Variants in PXMP2 observed in about 807,000 individuals in gnomAD.
PXMP2 encodes peroxisomal membrane protein 2.
In PXMP2, 13 loss-of-function variants were observed where a neutral mutation model predicts 20.2. That is an observed-to-expected ratio of 0.64 (90% CI 0.42 to 1.02). PXMP2 has a LOEUF of 1.02. Among genes scored for constraint, PXMP2 ranks in the 50% least tolerant of loss-of-function variants. PXMP2 has a pLI of 0.00. For synonymous variants in PXMP2, 113 were observed against 111.2 expected, an observed-to-expected ratio of 1.02 and a Z score of -0.10; for missense variants, 284 against 251.8, an observed-to-expected ratio of 1.13 and a Z score of -0.87.
chr12:132,701,193 G>C, intron 3 of PXMP2, 57 bp from the exon 4 acceptor site: 2 of 1,606,710 alleles, frequency 1.2e-6, no homozygotes, highest in South Asian at 1.1e-5. Flanking sequence ...TGGGTGCCCG[G>C]AATTCAGTTC....
Position 132,701,381 on chromosome 12 carries a change from G to T in PXMP2, c.519+12G>T. 6.2e-7 allele frequency: 1 copy of T among 1,611,678 alleles called. No homozygotes were observed. Among genetic ancestry groups the T allele is most frequent in the Non-Finnish European group, 8.5e-7 (1 of 1,179,624 alleles). On this transcript the variant is annotated intron_variant, in intron 4 of 4. Transcript: ENST00000317479. ...ACGTCCCTCTGAAGGTGAGGGCCACGGGGCTCAGCCTCTGCTAACATTACT... is the reference window on the plus strand; with the variant it reads ...ACGTCCCTCTGAAGGTGAGGGCCACTGGGCTCAGCCTCTGCTAACATTACT...
intron 2 of PXMP2, among the ~76,000 whole-genome samples, chr12:132,691,995 A>C (rs1565990209): frequency 6.6e-6 from 1 of 151,472 alleles, no homozygotes; most frequent in Non-Finnish European, 1.5e-5. Context: ...CTTGCCAGTT[A>C]GTTAGTGAGC....
chr12:132,704,278 AGC>A (rs2043458354), intron 4 of PXMP2, among the ~76,000 whole-genome samples: 1 of 152,260 alleles, frequency 6.6e-6, no homozygotes, highest in Non-Finnish European at 1.5e-5. Flanking sequence ...AGGAGGGTGC[AGC>A]CACCTGCATG....
chr12:132,690,257 C>T lies in PXMP2; in HGVS notation c.123-6C>T. 1 of 1,611,826 alleles carries T rather than the reference C, an allele frequency of 6.2e-7. No individual in the cohort carries two copies. The highest frequency in any genetic ancestry group is 8.5e-7 in the Non-Finnish European group (1 of 1,177,938). On this transcript the variant is annotated splice_polypyrimidine_tract_variant and splice_region_variant and intron_variant, in intron 1 of 4. Coordinates refer to ENST00000317479, the MANE Select transcript of PXMP2 (RefSeq NM_018663.3). Reference sequence around the variant, plus strand: ...TGCTGTTTTCTGATGACCTCCCTCTCCACAGTGGCATTTTGTCAGCACTTG... The same window carrying T: ...TGCTGTTTTCTGATGACCTCCCTCTTCACAGTGGCATTTTGTCAGCACTTG...
Position 132,701,234 on chromosome 12 carries a change from C to A in PXMP2, c.400-16C>A. On this transcript the variant is annotated splice_polypyrimidine_tract_variant and intron_variant, in intron 3 of 4. Coordinates refer to ENST00000317479, the MANE Select transcript of PXMP2 (RefSeq NM_018663.3). ...GGCAGTGAGACTGTTCACCACCCGC[C>A]TTCCCTCCTTTGCAGGGGAAAGACG... The A allele has an allele frequency of 6.2e-7, 1 of 1,613,738 alleles. No homozygotes were observed. The highest frequency in any genetic ancestry group is 8.5e-7 in the Non-Finnish European group (1 of 1,179,980).
intron 1 of PXMP2, among the ~76,000 whole-genome samples, chr12:132,689,685 T>A (rs1200143615): frequency 6.6e-6 from 1 of 152,168 alleles, no homozygotes; most frequent in Admixed American, 6.5e-5. Context: ...TTCCACCTTT[T>A]TATGGAAATT....
At chr12:132,699,334 G>A (rs1454491135) in intron 3 of PXMP2, among the ~76,000 whole-genome samples, 1 of 152,066 alleles carries the variant, frequency 6.6e-6, no homozygotes, top group African/African-American at 2.4e-5. Flanking sequence ...GAGGCTTGAT[G>A]TCAGGAGGTT....
chr12:132,704,339 G>A (rs907999274), intron 4 of PXMP2, among the ~76,000 whole-genome samples: 4 of 152,310 alleles, frequency 2.6e-5, no homozygotes, highest in South Asian at 2.1e-4. Context: ...TAAGGTGTGC[G>A]GTGAAGGGGG....
rs186056781 is a variant in PXMP2, at chr12:132,700,950, T to C, written c.400-300T>C. Among the ~76,000 whole-genome samples the C allele has an allele frequency of 7.2e-5, 11 of 152,200 alleles. No individual in the cohort carries two copies. In the East Asian group the frequency reaches 2.1e-3, roughly 29 times the overall value. On this transcript the variant is annotated intron_variant, in intron 3 of 4. Transcript: ENST00000317479. ...TGACAGCGTAGCTCTGAGTAGCAGT[T>C]CTGGTGCCCAGGGCCAGCCTTGGGA... is the stretch of plus-strand genomic sequence containing the variant.
At position 132,687,867 on chromosome 12, in the gene PXMP2, C is replaced by A. The variant is rs1341712350; in HGVS notation, c.122+75C>A. The A allele has an allele frequency of 5.5e-5, 60 of 1,090,388 alleles. 1 individual carries two copies. The South Asian group carries it at 1.9e-3, about 35-fold the overall frequency. The allele number at this position is 1,090,388 out of a possible 1,614,324, so 67.5% of individuals were successfully genotyped here. A position where few individuals can be genotyped will look rare whatever the true frequency, so the allele number is the denominator to read the frequency against. Reference sequence around the variant, plus strand: ...CAGCGGCGCGGGGCCTGGACGGGAGCGCCGGGCCGGGACCAGGCTGGGGGC... The same window carrying A: ...CAGCGGCGCGGGGCCTGGACGGGAGAGCCGGGCCGGGACCAGGCTGGGGGC... On this transcript the variant is annotated intron_variant, in intron 1 of 4. Transcript: ENST00000317479.
chr12:132,693,734 CAGTT>C (rs1395671089), intron 2 of PXMP2, among the ~76,000 whole-genome samples: 8 of 138,534 alleles, frequency 5.8e-5, no homozygotes, highest in African/African-American at 8.2e-5. Context: ...GCTCCCTTGC[CAGTT>C]AGTTAGTGAG....
chr12:132,692,224 TAGCCAGTTAGTTAGTGAGCTCCCTG>T (rs1565990338), intron 2 of PXMP2, among the ~76,000 whole-genome samples: 7 of 119,588 alleles, frequency 5.9e-5, no homozygotes, highest in Non-Finnish European at 1.3e-4. Context: ...TGAGCGCCCT[TAGCCAGTTAGTTAGTGAGCTCCCTG>T]AGCCAGTTAG....
chr12:132,704,834 A>C lies in PXMP2; in HGVS notation c.*147A>C. ...CCAAAAATGATGGATAGAGAAACAG[A>C]AATCTCTGAATGTCAGAACCCTGTC... On this transcript the variant is annotated 3_prime_UTR_variant, in exon 5 of 5. Transcript: ENST00000317479. 1.3e-6 allele frequency: 1 copy of C among 789,562 alleles called. No individual in the cohort carries two copies. Among genetic ancestry groups the C allele is most frequent in the Non-Finnish European group, 2.2e-6 (1 of 464,830 alleles). The allele number at this position is 789,562 out of a possible 1,614,324, so 48.9% of individuals were successfully genotyped here.
intron 4 of PXMP2, among the ~76,000 whole-genome samples, chr12:132,703,031 A>C (rs1306306575): frequency 6.6e-6 from 1 of 152,248 alleles, no homozygotes; most frequent in Non-Finnish European, 1.5e-5. Flanking sequence ...CTTTGGCTTT[A>C]ACAGTGGCCC....
intron 1 of PXMP2, 139 bp downstream of exon 1, chr12:132,687,931 C>G (rs982539291): frequency 3.1e-5 from 27 of 867,572 alleles, no homozygotes; most frequent in Admixed American, 1.6e-4. Flanking sequence ...CGCCCTCCGA[C>G]CCGGCGCTGA....
At chr12:132,703,086 T>C (rs1453648503) in intron 4 of PXMP2, among the ~76,000 whole-genome samples, 1 of 152,170 alleles carries the variant, frequency 6.6e-6, no homozygotes, top group Admixed American at 6.5e-5. Context: ...CCAGATTGCC[T>C]TGAAGAGTGG....
intron 2 of PXMP2, 63 bp from the exon 3 acceptor site, chr12:132,695,821 C>G: frequency 1.3e-6 from 2 of 1,515,568 alleles, no homozygotes; most frequent in Non-Finnish European, 1.8e-6. Context: ...GGGGGTGAAG[C>G]TAGACCAGAG....
At chr12:132,699,818 G>A (rs895463189) in intron 3 of PXMP2, among the ~76,000 whole-genome samples, 7 of 152,092 alleles carry the variant, frequency 4.6e-5, no homozygotes, top group African/African-American at 7.2e-5. Context: ...TGTGGATAGC[G>A]CTGTGATAAA....
chr12:132,691,282 T>C (rs968358213), intron 2 of PXMP2, among the ~76,000 whole-genome samples: 2 of 151,710 alleles, frequency 1.3e-5, no homozygotes, highest in Admixed American at 6.6e-5. Flanking sequence ...TCTCCTGACC[T>C]CGTGATCCGC....
Sources: allele counts gnomAD v4.1 joint callset (sites outside exome capture counted in the v4.1 genomes callset), GRCh38; gene constraint gnomAD v4.1.1; transcripts MANE v1.5; gene names NCBI Gene and HGNC (gene_info 2026-07-23, HGNC 2026-07-21).